The following AP2A2 variants were observed in gnomAD, a reference collection of about 807,000 sequenced individuals.
The protein encoded by AP2A2 is adaptor related protein complex 2 subunit alpha 2.
In AP2A2, 32 loss-of-function variants were observed where a neutral mutation model predicts 104.2. That is an observed-to-expected ratio of 0.31 (90% CI 0.23 to 0.41). AP2A2 has a LOEUF of 0.41. Ranked by LOEUF, AP2A2 falls within the 10% of genes least tolerant of loss-of-function variation. The pLI is 1.00. For synonymous variants in AP2A2, 539 were observed against 533.3 expected (o/e 1.01, Z -0.15); for missense variants, 912 against 1,261.0 (o/e 0.72, Z 4.19).
chr11:1,006,426 T>G lies in AP2A2; in HGVS notation c.2207-102T>G, dbSNP rs955765929. The G allele has an allele frequency of 7.6e-5, 65 of 860,184 alleles. No individual in the cohort carries two copies. The Middle Eastern group carries it at 2.8e-3, about 38-fold the overall frequency. 53.3% of individuals were successfully genotyped at this position (860,184 alleles called of 1,614,324 possible). A position where few individuals can be genotyped will look rare whatever the true frequency, so the allele number is the denominator to read the frequency against. On this transcript the variant is annotated intron_variant, in intron 16 of 21. Transcript: ENST00000448903. Reference sequence around the variant, plus strand: ...CAGTCATACATCACAACAGTGAACTTAAATTCAGCTGAAGATTGTGGGGGG... The same window carrying G: ...CAGTCATACATCACAACAGTGAACTGAAATTCAGCTGAAGATTGTGGGGGG...
intron 1 of AP2A2, among the ~76,000 whole-genome samples, chr11:930,979 G>T (rs1402992755): frequency 1.3e-5 from 2 of 152,172 alleles, no homozygotes; most frequent in Non-Finnish European, 2.9e-5. Context: ...GTAGCTTTGT[G>T]TAACCGGTTC....
At chr11:933,022 C>G (rs1304564969) in intron 1 of AP2A2, among the ~76,000 whole-genome samples, 1 of 152,214 alleles carries the variant, frequency 6.6e-6, no homozygotes, top group African/African-American at 2.4e-5. Context: ...GTAATCCCAG[C>G]ACTTCGGGAG....
chr11:988,422 CT>C, intron 9 of AP2A2, 129 bp from the exon 10 acceptor site: 1 of 1,239,566 alleles, frequency 8.1e-7, no homozygotes, highest in Non-Finnish European at 1.1e-6. Context: ...GGTCGGCTCC[CT>C]GGACCTGGAT....
intron 2 of AP2A2, among the ~76,000 whole-genome samples, chr11:967,240 T>G (rs1854647554): frequency 6.6e-6 from 1 of 152,220 alleles, no homozygotes; most frequent in Non-Finnish European, 1.5e-5. Context: ...TTATCGTCTG[T>G]GAAGTCTGTG....
chr11:996,514 A>G (rs1302540569), intron 14 of AP2A2, among the ~76,000 whole-genome samples: 1 of 152,040 alleles, frequency 6.6e-6, no homozygotes, highest in Non-Finnish European at 1.5e-5. Flanking sequence ...GTGTGCCCAT[A>G]CCCCAGGCCT....
At chr11:943,268 T>G (rs1853716419) in intron 1 of AP2A2, 1 of 151,954 alleles carries the variant, frequency 6.6e-6, no homozygotes, top group Admixed American at 6.6e-5. Context: ...CTCACAACTC[T>G]AAGAGGGTCC....
In AP2A2 at chr11:984,863, T is replaced by G. The variant is rs916608764; in HGVS notation, c.814+110T>G. 6.4e-6 allele frequency: 6 copies of G among 943,456 alleles called. No individual in the cohort carries two copies. The Admixed American group carries it at 1.1e-4, about 18-fold the overall frequency. The allele number at this position is 943,456 out of a possible 1,614,324, so 58.4% of individuals were successfully genotyped here. ...TAAGAAGTGTGTTACTAGCCCTGTC[T>G]CTTGATTCATGGACCTTTCTGCCAG... On this transcript the variant is annotated intron_variant, in intron 7 of 21. Transcript: ENST00000448903.
At chr11:1,006,102 G>T (rs1375145423) in intron 16 of AP2A2, among the ~76,000 whole-genome samples, 1 of 152,266 alleles carries the variant, frequency 6.6e-6, no homozygotes, top group East Asian at 1.9e-4. Context: ...GCGTGTGTTT[G>T]CATGTTGCAG....
chr11:965,331 T>C (rs953330279), intron 2 of AP2A2, among the ~76,000 whole-genome samples: 15 of 152,046 alleles, frequency 9.9e-5, no homozygotes, highest in Non-Finnish European at 1.6e-4. Flanking sequence ...GTAACGCCAG[T>C]GTGTTGTGTC....
At position 993,403 on chromosome 11, in the gene AP2A2, G is replaced by T. The variant is rs758282558; in HGVS notation, c.1550+22G>T. The T allele has an allele frequency of 6.3e-7, 1 of 1,582,036 alleles. No individual in the cohort carries two copies. Among genetic ancestry groups the T allele is most frequent in the African/African-American group, 1.4e-5 (1 of 73,588 alleles). ...CCAGGTGAGAGGCCCTTTGCGAGTC[G>T]GGGCTGTGTGCGCTCCGGCGGGCCT... is the stretch of plus-strand genomic sequence containing the variant. On this transcript the variant is annotated intron_variant, in intron 12 of 21. Transcript: ENST00000448903. This position sits in a 1 kb window ranked among gnomAD's most constrained non-coding sequence, Gnocchi z 8.2.
intron 5 of AP2A2, among the ~76,000 whole-genome samples, chr11:978,743 G>T (rs575261724): frequency 6.6e-6 from 1 of 152,298 alleles, no homozygotes; most frequent in African/African-American, 2.4e-5. Context: ...CAAGTCAGGA[G>T]CCCCCAAGAA....
intron 5 of AP2A2, among the ~76,000 whole-genome samples, chr11:979,724 G>A (rs1374905333): frequency 6.6e-6 from 1 of 152,092 alleles, no homozygotes; most frequent in Non-Finnish European, 1.5e-5. Flanking sequence ...GTGCCACCAC[G>A]CCTGGATAAT....
At chr11:981,799 T>C (rs1242926452) in intron 6 of AP2A2, among the ~76,000 whole-genome samples, 1 of 152,258 alleles carries the variant, frequency 6.6e-6, no homozygotes, top group Non-Finnish European at 1.5e-5. Context: ...AACACTTAGC[T>C]CCTTGCCCTC....
chr11:983,903 A>G (rs1048661612), intron 6 of AP2A2, among the ~76,000 whole-genome samples: 1 of 152,136 alleles, frequency 6.6e-6, no homozygotes, highest in Admixed American at 6.6e-5. Flanking sequence ...TGTCTTTGAC[A>G]GCCTAGAGCT....
At chr11:976,740 C>T (rs1480906854) in intron 4 of AP2A2, among the ~76,000 whole-genome samples, 1 of 152,156 alleles carries the variant, frequency 6.6e-6, no homozygotes, top group Non-Finnish European at 1.5e-5. Context: ...ATGTGGAGCT[C>T]CATGGCGGTG....
At chr11:1,006,770 G>A (rs1856222346) in intron 17 of AP2A2, 153 bp downstream of exon 17, 1 of 618,950 alleles carries the variant, frequency 1.6e-6, no homozygotes, top group Admixed American at 3.2e-5. Flanking sequence ...ATCTGCCTAT[G>A]GTGCTGGGCA....
chr11:949,157 T>C (rs1015794675), intron 1 of AP2A2, among the ~76,000 whole-genome samples: 4 of 151,854 alleles, frequency 2.6e-5, no homozygotes, highest in Admixed American at 6.6e-5. Flanking sequence ...GCACCTTTAG[T>C]CCCAGCCACT....
chr11:977,073 ACT>A lies in AP2A2; in HGVS notation c.474-19_474-18del, dbSNP rs756084673. The A allele has an allele frequency of 9.9e-6, 16 of 1,612,460 alleles. No homozygotes were observed. Among genetic ancestry groups the A allele is most frequent in the Middle Eastern group, 1.7e-4 (1 of 6,058 alleles). ...CGCTGTCTTCAGCCTGTTGCGAGTG[ACT>A]CTTGACGTCTGTCTTTCAGAGACAC... is the stretch of plus-strand genomic sequence containing the variant. On this transcript the variant is annotated intron_variant, in intron 4 of 21. Coordinates refer to ENST00000448903, the MANE Select transcript of AP2A2 (RefSeq NM_012305.4).
chr11:1,003,365 C>T (rs1371652299), intron 15 of AP2A2, among the ~76,000 whole-genome samples: 3 of 152,230 alleles, frequency 2.0e-5, no homozygotes, highest in Non-Finnish European at 4.4e-5. Flanking sequence ...GCTCAGCACC[C>T]GTGTTGGATG....
Sources: gnomAD v4.1 joint callset for allele counts (sites outside exome capture counted in the v4.1 genomes callset) on GRCh38, gnomAD v4.1.1 for gene constraint, Gnocchi (gnomAD v3.1) non-coding constraint, MANE v1.5 for transcripts, NCBI Gene and HGNC (gene_info 2026-07-23, HGNC 2026-07-21) for gene names.